Variants in WWC2 observed in about 807,000 individuals in gnomAD.
The protein encoded by WWC2 is protein WWC2.
Under a neutral mutation model 138.5 loss-of-function variants are expected in WWC2, and 101 were observed. The observed-to-expected ratio is 0.73, with a 90% confidence interval of 0.62 to 0.86. WWC2 has a LOEUF of 0.86. Ranked by LOEUF, WWC2 falls within the 40% of genes least tolerant of loss-of-function variation. The pLI is 0.00. For synonymous variants in WWC2, 558 were observed against 538.4 expected (o/e 1.04, Z -0.50); for missense variants, 1,420 against 1,419.4 (o/e 1.00, Z -0.01).
At chr4:183,303,796 C>T (rs1332016509) in intron 21 of WWC2, among the ~76,000 whole-genome samples, 2 of 151,608 alleles carry the variant, frequency 1.3e-5, no homozygotes, top group African/African-American at 4.9e-5. Context: ...GTAATATAAA[C>T]AGTTATATGA....
In WWC2 at chr4:183,117,957, T is replaced by C. The variant is rs563860231; in HGVS notation, c.131+18335T>C. On this transcript the variant is annotated intron_variant, in intron 1 of 22. Coordinates refer to ENST00000403733, the MANE Select transcript of WWC2 (RefSeq NM_024949.6). ...CTGGGACTATAGGCTCGTGCCACCA[T>C]GCTCGGCTAATTTTTGTATTTTAGT... Among the ~76,000 whole-genome samples, 52 of 146,692 alleles carry C rather than the reference T, an allele frequency of 3.5e-4. 1 individual carries two copies. The East Asian group carries it at 3.6e-3, about 10-fold the overall frequency.
chr4:183,268,967 G>T lies in WWC2; in HGVS notation c.2208-4G>T. 1 of 1,607,850 alleles carries T rather than the reference G, an allele frequency of 6.2e-7. No homozygotes were observed. Among genetic ancestry groups the T allele is most frequent in the Non-Finnish European group, 8.5e-7 (1 of 1,177,716 alleles). On this transcript the variant is annotated splice_region_variant and splice_polypyrimidine_tract_variant and intron_variant, in intron 14 of 22. Coordinates refer to ENST00000403733, the MANE Select transcript of WWC2 (RefSeq NM_024949.6). Reference sequence around the variant, plus strand: ...GAAATCCATTTTATTCTTGTTCTTTGCAGATATTTTAGGGTTGCCGTTCTT... The same window carrying T: ...GAAATCCATTTTATTCTTGTTCTTTTCAGATATTTTAGGGTTGCCGTTCTT...
chr4:183,202,008 G>A lies in WWC2; in HGVS notation c.242-5945G>A, dbSNP rs190434166. Among the ~76,000 whole-genome samples, 357 of 152,304 alleles carry A rather than the reference G, an allele frequency of 2.3e-3. 3 individuals are homozygous for A. The highest frequency in any genetic ancestry group is 3.7e-3 in the Admixed American group (57 of 15,300). ...GGCCACATAGTGGGGAAGCGCTTGG[G>A]TTGGTTGGAAGGCAGAAGGAGCAGA... On this transcript the variant is annotated intron_variant, in intron 2 of 22. Coordinates refer to ENST00000403733, the MANE Select transcript of WWC2 (RefSeq NM_024949.6).
rs114923110 is a variant in WWC2, at chr4:183,313,332, G to A, written c.3512+864G>A. On this transcript the variant is annotated intron_variant, in intron 22 of 22. Coordinates refer to ENST00000403733, the MANE Select transcript of WWC2 (RefSeq NM_024949.6). ...GTGCACAAAACCAAATGATGGGGAT[G>A]GGTTTTATGTAGGGCAGATATCAGA... Among the ~76,000 whole-genome samples, 1,289 of 152,286 alleles carry A rather than the reference G, an allele frequency of 8.5e-3. 14 individuals are homozygous for A. Among genetic ancestry groups the A allele is most frequent in the African/African-American group, 0.03 (1,229 of 41,540 alleles).
chr4:183,193,856 G>C, intron 2 of WWC2, 148 bp downstream of exon 2: 1 of 713,762 alleles, frequency 1.4e-6, no homozygotes, highest in Non-Finnish European at 2.4e-6. Context: ...TGCCTGTCTT[G>C]GTATTTGGGG....
At chr4:183,127,041 A>T (rs1732781959) in intron 1 of WWC2, among the ~76,000 whole-genome samples, 3 of 152,174 alleles carry the variant, frequency 2.0e-5, no homozygotes, top group Admixed American at 1.3e-4. Flanking sequence ...CTAGCCAGGA[A>T]AGAGACCTTT....
chr4:183,282,545 A>AT (rs1220853832), intron 17 of WWC2, 163 bp from the exon 18 acceptor site: 113 of 692,932 alleles, frequency 1.6e-4, no homozygotes, highest in Non-Finnish European at 2.2e-4. Context: ...TGAAGAGAGG[A>AT]TTTTTTTAAA....
chr4:183,304,004 G>A (rs919149254), intron 21 of WWC2, among the ~76,000 whole-genome samples: 2 of 152,092 alleles, frequency 1.3e-5, no homozygotes, highest in African/African-American at 4.8e-5. Context: ...TAATTAAGCT[G>A]TAGCTACTAA....
chr4:183,269,726 T>TC, intron 15 of WWC2: 1 of 300,214 alleles, frequency 3.3e-6, no homozygotes, highest in South Asian at 3.1e-5. Context: ...GAGTACTATA[T>TC]AGTACCCTTA....
chr4:183,173,320 G>C (rs916142038), intron 1 of WWC2, among the ~76,000 whole-genome samples: 3 of 152,072 alleles, frequency 2.0e-5, no homozygotes, highest in Admixed American at 6.6e-5. Flanking sequence ...CCAAAGTGTT[G>C]GGATTGCACG....
At chr4:183,277,099 T>C (rs1201113436) in intron 16 of WWC2, among the ~76,000 whole-genome samples, 2 of 150,576 alleles carry the variant, frequency 1.3e-5, no homozygotes, top group Non-Finnish European at 3.0e-5. Context: ...CATCTAGCAT[T>C]AGGTATATCT....
chr4:183,209,340 G>A (rs148573755), intron 4 of WWC2, among the ~76,000 whole-genome samples: 3,140 of 152,202 alleles, frequency 0.021, 57 homozygotes, highest in Non-Finnish European at 0.026. Context: ...CAATTCTCCC[G>A]CCTCAGCCTC....
chr4:183,280,076 C>T (rs1738013106), intron 16 of WWC2, among the ~76,000 whole-genome samples: 2 of 151,974 alleles, frequency 1.3e-5, no homozygotes, highest in African/African-American at 4.8e-5. Context: ...CTGATATCTT[C>T]CTCCAGAGAG....
chr4:183,158,826 G>A (rs1490894829), intron 1 of WWC2, among the ~76,000 whole-genome samples: 1 of 152,166 alleles, frequency 6.6e-6, no homozygotes, highest in East Asian at 1.9e-4. Flanking sequence ...GTTTGCTTGT[G>A]GGAGTGGGCA....
chr4:183,107,126 T>C (rs1306514991), intron 1 of WWC2, among the ~76,000 whole-genome samples: 1 of 152,062 alleles, frequency 6.6e-6, no homozygotes, highest in Admixed American at 6.6e-5. Context: ...TCTCTTCTCT[T>C]TCCTTCTCTT....
intron 1 of WWC2, among the ~76,000 whole-genome samples, chr4:183,145,695 A>G (rs554050314): frequency 2.6e-5 from 4 of 152,380 alleles, no homozygotes; most frequent in South Asian, 2.1e-4. Context: ...ACATCAGTAT[A>G]TAAGCACTCT....
chr4:183,210,853 A>G (rs1349203845), intron 4 of WWC2, among the ~76,000 whole-genome samples: 6 of 152,210 alleles, frequency 3.9e-5, no homozygotes, highest in African/African-American at 4.8e-5. Flanking sequence ...AACTTATCCA[A>G]TGGTAGAAAA....
At chr4:183,254,689 T>A (rs1472535287) in intron 9 of WWC2, among the ~76,000 whole-genome samples, 1 of 152,208 alleles carries the variant, frequency 6.6e-6, no homozygotes, top group Non-Finnish European at 1.5e-5. Context: ...GATGGCAGAA[T>A]GGGTTGGATA....
chr4:183,306,169 G>A (rs1275947699), intron 21 of WWC2, among the ~76,000 whole-genome samples: 1 of 152,066 alleles, frequency 6.6e-6, no homozygotes, highest in Non-Finnish European at 1.5e-5. Flanking sequence ...ATTATATAAA[G>A]TCCTCAATTA....
Sources: allele counts gnomAD v4.1 joint callset (sites outside exome capture counted in the v4.1 genomes callset), GRCh38; gene constraint gnomAD v4.1.1; transcripts MANE v1.5; gene names NCBI Gene and HGNC (gene_info 2026-07-23, HGNC 2026-07-21).